The following ATPSCKMT variants were observed in gnomAD, a reference collection of about 807,000 sequenced individuals.
ATPSCKMT encodes ATP synthase subunit C lysine N-methyltransferase.
In ATPSCKMT, 24 loss-of-function variants were observed where a neutral mutation model predicts 24.3. The observed-to-expected ratio is 0.99, with a 90% CI of 0.71 to 1.39. The LOEUF is 1.39. ATPSCKMT is among the 40% of genes most tolerant of loss of function. The probability of loss-of-function intolerance (pLI) is 0.00; values close to 1 mark genes in which losing one functional copy is unlikely to be tolerated. For missense variants in ATPSCKMT, 311 were observed against 298.4 expected (o/e 1.04, Z -0.31); for synonymous variants, 95 against 110.5 (o/e 0.86, Z 0.88).
At chr5:10,237,005 T>G (rs1431704055) in intron 2 of ATPSCKMT, 4 of 1,303,236 alleles carry the variant, frequency 3.1e-6, no homozygotes, top group Non-Finnish European at 4.0e-6. Context: ...GGGAGGATGG[T>G]TTTGTGAACA....
chr5:10,234,093 C>T (rs189830069), intron 4 of ATPSCKMT, among the ~76,000 whole-genome samples: 42 of 152,214 alleles, frequency 2.8e-4, no homozygotes, highest in Non-Finnish European at 5.3e-4. Context: ...TTTGGGAGGC[C>T]GAAGCAGGCA....
At chr5:10,235,332 A>G (rs1164747640) in intron 3 of ATPSCKMT, 71 bp from the exon 4 acceptor site, 3 of 1,327,618 alleles carry the variant, frequency 2.3e-6, no homozygotes, top group Non-Finnish European at 3.2e-6. Context: ...CTTGTTTTAC[A>G]GAAATGGGTA....
intron 2 of ATPSCKMT, 130 bp downstream of exon 2, chr5:10,238,937 A>T: frequency 1.7e-6 from 2 of 1,183,940 alleles, no homozygotes; most frequent in Admixed American, 5.3e-5. Flanking sequence ...TTGGTCAAAC[A>T]AACATAAAAT....
chr5:10,249,751 A>AC (rs1745211106), intron 1 of ATPSCKMT, 107 bp downstream of exon 1: 1 of 1,465,272 alleles, frequency 6.8e-7, no homozygotes, highest in Admixed American at 2.4e-5. Context: ...AGCCGCCCGC[A>AC]CCCGGTCACC....
Position 10,239,324 on chromosome 5 carries a change from G to T in ATPSCKMT, c.49C>A (p.Gln17Lys), listed in dbSNP as rs760134123. 4.3e-6 allele frequency: 7 copies of T among 1,614,062 alleles called. No individual in the cohort carries two copies. The highest frequency in any genetic ancestry group is 1.7e-6 in the Non-Finnish European group (2 of 1,179,978). The change falls in exon 2 of 5, where the codon CAG (glutamine) becomes AAG (lysine). Residue 17 changes from glutamine (Q) to lysine (K), a missense_variant. By Grantham distance (53) the Gln-to-Lys change is moderately conservative. Coordinates refer to ENST00000511437, the MANE Select transcript of ATPSCKMT (RefSeq NM_199133.4). ...CTTGCAGGTAGAACATGTCTTGACTGACTTTCTTCTTTAAGTGTTTCTAGG... is the reference window on the plus strand; with the variant it reads ...CTTGCAGGTAGAACATGTCTTGACTTACTTTCTTCTTTAAGTGTTTCTAGG... Reference protein sequence around the residue: ...IPLETLKEESQSRHVLPASFE... With the variant: ...IPLETLKEESKSRHVLPASFE...
At chr5:10,236,341 T>C in intron 3 of ATPSCKMT, 137 bp downstream of exon 3, 2 of 1,096,496 alleles carry the variant, frequency 1.8e-6, no homozygotes, top group Non-Finnish European at 2.5e-6. Flanking sequence ...CAATTTTACA[T>C]ATTTCATTAT....
At chr5:10,232,158 C>T (rs549717120) in intron 4 of ATPSCKMT, among the ~76,000 whole-genome samples, 7 of 152,218 alleles carry the variant, frequency 4.6e-5, no homozygotes, top group Admixed American at 3.3e-4. Flanking sequence ...GCCAAGATCA[C>T]GCTCTACTGC....
chr5:10,237,659 G>C (rs1365983075), intron 2 of ATPSCKMT, among the ~76,000 whole-genome samples: 1 of 152,144 alleles, frequency 6.6e-6, no homozygotes, highest in Non-Finnish European at 1.5e-5. Context: ...CTCCCCAGCT[G>C]TGTAAAACCG....
intron 1 of ATPSCKMT, among the ~76,000 whole-genome samples, chr5:10,241,098 C>A (rs770908785): frequency 6.6e-6 from 1 of 152,048 alleles, no homozygotes; most frequent in Non-Finnish European, 1.5e-5. Context: ...TGGGGGCCCT[C>A]GGGCAGGTTT....
chr5:10,230,500 C>T (rs1361004132), intron 4 of ATPSCKMT, among the ~76,000 whole-genome samples: 2 of 152,114 alleles, frequency 1.3e-5, no homozygotes, highest in Middle Eastern at 3.4e-3. Context: ...GAGCTATTTC[C>T]ATCATAAGAA....
At position 10,227,429 on chromosome 5, in the gene ATPSCKMT, T is replaced by A; in HGVS notation, c.*12A>T. The A allele has an allele frequency of 6.2e-7, 1 of 1,612,992 alleles. No homozygotes were observed. The highest frequency in any genetic ancestry group is 8.5e-7 in the Non-Finnish European group (1 of 1,179,506). On this transcript the variant is annotated 3_prime_UTR_variant, in exon 5 of 5. Coordinates refer to ENST00000511437, the MANE Select transcript of ATPSCKMT (RefSeq NM_199133.4). ...AGACTACAATATTTCAGAAAAACAC[T>A]CCCAGTCAAGTTTATGCTTGAATGG...
chr5:10,238,811 G>C (rs1002577993), intron 2 of ATPSCKMT, among the ~76,000 whole-genome samples: 3 of 152,142 alleles, frequency 2.0e-5, no homozygotes, highest in Non-Finnish European at 4.4e-5. Context: ...GAGACAATTT[G>C]ATAATTACCA....
chr5:10,229,894 T>C (rs149864672), intron 4 of ATPSCKMT, among the ~76,000 whole-genome samples: 2 of 152,368 alleles, frequency 1.3e-5, no homozygotes, highest in East Asian at 3.9e-4. Context: ...CATGCTGTTA[T>C]CAAATACTGT....
chr5:10,230,753 C>T (rs1018512887), intron 4 of ATPSCKMT, among the ~76,000 whole-genome samples: 9 of 152,126 alleles, frequency 5.9e-5, no homozygotes, highest in Admixed American at 5.9e-4. Context: ...CCAGGAACCC[C>T]GGTTTCACTG....
chr5:10,249,669 G>T, intron 1 of ATPSCKMT, 189 bp downstream of exon 1: 4 of 910,760 alleles, frequency 4.4e-6, no homozygotes, highest in Non-Finnish European at 3.2e-6. Flanking sequence ...GACAAGGATC[G>T]CCAGAACCGG....
chr5:10,239,147 T>C lies in ATPSCKMT; in HGVS notation c.226A>G (p.Lys76Glu). ...VCLPFVPATT[K>E]QIENVVKMLR... is the part of the protein sequence containing the mutation. ...ATTTTCACAACATTTTCAATCTGCT[T>C]CGTAGTTGCAGGTACAAACGGCAAA... Residue 76 changes from lysine (K) to glutamate (E), a missense_variant, in exon 2 of 5, where the codon AAG (lysine) becomes GAG (glutamate). Transcript: ENST00000511437. 4.3e-6 allele frequency: 7 copies of C among 1,614,174 alleles called. No individual in the cohort carries two copies. Among genetic ancestry groups the C allele is most frequent in the Non-Finnish European group, 5.9e-6 (7 of 1,180,046 alleles).
chr5:10,227,655 G>T lies in ATPSCKMT; in HGVS notation c.496-8C>A, dbSNP rs1257563391. The T allele has an allele frequency of 1.9e-6, 3 of 1,613,678 alleles. No individual in the cohort carries two copies. The highest frequency in any genetic ancestry group is 2.7e-5 in the African/African-American group (2 of 74,918). On this transcript the variant is annotated splice_region_variant and splice_polypyrimidine_tract_variant and intron_variant, in intron 4 of 4. Transcript: ENST00000511437. ...CTTCTCCAACTGCAGCATCTGTGGA[G>T]AGTAACAGCTATTATTTTAGTGAGC...
At chr5:10,243,992 T>C (rs771813818) in intron 1 of ATPSCKMT, among the ~76,000 whole-genome samples, 2 of 152,242 alleles carry the variant, frequency 1.3e-5, no homozygotes, top group Non-Finnish European at 1.5e-5. Context: ...TAGCTTTTCA[T>C]TTAAAATGGT....
At chr5:10,237,668 C>T (rs773362263) in intron 2 of ATPSCKMT, among the ~76,000 whole-genome samples, 6 of 152,134 alleles carry the variant, frequency 3.9e-5, no homozygotes, top group Non-Finnish European at 5.9e-5. Flanking sequence ...TGTGTAAAAC[C>T]GTAAGTCTAA....
Sources: gnomAD v4.1 joint callset for allele counts (sites outside exome capture counted in the v4.1 genomes callset) on GRCh38, gnomAD v4.1.1 for gene constraint, MANE v1.5 for transcripts, NCBI Gene and HGNC (gene_info 2026-07-23, HGNC 2026-07-21) for gene names.